CELF2: variants seen among roughly 807,000 people sequenced by gnomAD.
CELF2 encodes CUGBP Elav-like family member 2.
A neutral mutation model predicts 62.6 loss-of-function variants in CELF2; 8 were observed. The observed-to-expected ratio is 0.13, with a 90% CI of 0.07 to 0.23. The LOEUF is 0.23. Ranked by LOEUF, CELF2 falls within the 10% of genes least tolerant of loss-of-function variation. CELF2 has a pLI of 1.00. For missense variants in CELF2, 333 were observed against 671.0 expected (o/e 0.50, Z 5.56); for synonymous variants, 258 against 250.0 (o/e 1.03, Z -0.30).
the CELF2 span, among the ~76,000 whole-genome samples, chr10:10,720,587 T>G: frequency 6.6e-6 from 1 of 152,158 alleles, no homozygotes; most frequent in East Asian, 1.9e-4. Context: ...ATGCCAAAGA[T>G]TGTATCATCA....
intron 1 of CELF2, among the ~76,000 whole-genome samples, chr10:10,833,289 C>T (rs1345801879): frequency 1.3e-5 from 2 of 152,176 alleles, no homozygotes; most frequent in Non-Finnish European, 2.9e-5. Context: ...TTCAAAACCA[C>T]AGATAATGTT....
the CELF2 span, among the ~76,000 whole-genome samples, chr10:10,687,975 C>A: frequency 6.6e-6 from 1 of 152,212 alleles, no homozygotes; most frequent in African/African-American, 2.4e-5. Flanking sequence ...GCATACAAAG[C>A]CTTACCATTG....
chr10:10,698,983 C>T, the CELF2 span, among the ~76,000 whole-genome samples: 6 of 151,846 alleles, frequency 4.0e-5, no homozygotes, highest in African/African-American at 1.5e-4. Flanking sequence ...TATTATATAA[C>T]ATACTAGTAA....
chr10:10,766,498 G>A, the CELF2 span, among the ~76,000 whole-genome samples: 11 of 152,138 alleles, frequency 7.2e-5, no homozygotes, highest in African/African-American at 2.2e-4. Flanking sequence ...GGAGGGAAGG[G>A]GTCAGGTGTA....
chr10:10,911,057 G>A (rs560599608), intron 1 of CELF2, among the ~76,000 whole-genome samples: 69 of 152,178 alleles, frequency 4.5e-4, no homozygotes, highest in Admixed American at 1.2e-3. Context: ...TCCTCATAAT[G>A]CCACTAGCAG....
chr10:10,571,455 T>C, the CELF2 span, among the ~76,000 whole-genome samples: 2 of 152,116 alleles, frequency 1.3e-5, no homozygotes, highest in Non-Finnish European at 1.5e-5. Context: ...CCAGAACCTA[T>C]AGTTATTAAG....
At chr10:10,835,894 C>A (rs986664918) in intron 1 of CELF2, among the ~76,000 whole-genome samples, 1 of 152,066 alleles carries the variant, frequency 6.6e-6, no homozygotes, top group Non-Finnish European at 1.5e-5. Context: ...AGGGCAGAAT[C>A]GAGGCTGACT....
At chr10:11,094,031 G>A (rs1054034911) in intron 1 of CELF2, among the ~76,000 whole-genome samples, 5 of 152,182 alleles carry the variant, frequency 3.3e-5, no homozygotes, top group African/African-American at 1.2e-4. Context: ...CAGTCGATAT[G>A]AGTTCTCGGA....
At chr10:10,655,381 C>A in the CELF2 span, among the ~76,000 whole-genome samples, 1 of 121,496 alleles carries the variant, frequency 8.2e-6, no homozygotes, top group East Asian at 2.0e-4. Context: ...CTTTAAAGTT[C>A]ATATGGAACC....
the CELF2 span, among the ~76,000 whole-genome samples, chr10:10,497,759 G>A: frequency 3.9e-5 from 6 of 152,176 alleles, no homozygotes; most frequent in African/African-American, 1.4e-4. Context: ...AAAGGACGAT[G>A]AATCAGGACA....
At chr10:10,842,308 C>T (rs1564703773) in intron 1 of CELF2, among the ~76,000 whole-genome samples, 1 of 151,840 alleles carries the variant, frequency 6.6e-6, no homozygotes, top group Non-Finnish European at 1.5e-5. Flanking sequence ...TTTCTATTAA[C>T]TAGGATTTCC....
chr10:11,135,845 G>T (rs1209006130), intron 1 of CELF2, among the ~76,000 whole-genome samples: 1 of 152,182 alleles, frequency 6.6e-6, no homozygotes, highest in Non-Finnish European at 1.5e-5. Context: ...TAATGTGTAT[G>T]GCCTGGGCGG....
intron 2 of CELF2, among the ~76,000 whole-genome samples, chr10:10,980,665 G>A (rs969236138): frequency 1.2e-4 from 19 of 152,130 alleles, no homozygotes; most frequent in Non-Finnish European, 1.3e-4. Context: ...ATCTCCTAAC[G>A]GTCTCTCGCA....
chr10:10,490,461 T>C, the CELF2 span, among the ~76,000 whole-genome samples: 1 of 152,082 alleles, frequency 6.6e-6, no homozygotes, highest in Admixed American at 6.6e-5. Context: ...CACTGCAGAG[T>C]CAAACCTGTC....
chr10:11,246,359 C>A lies in CELF2; in HGVS notation c.355-2794C>A, dbSNP rs749003751. Among the ~76,000 whole-genome samples, 1 of 152,238 alleles carries A rather than the reference C, an allele frequency of 6.6e-6. No individual in the cohort carries two copies. Among genetic ancestry groups the A allele is most frequent in the South Asian group, 2.1e-4 (1 of 4,818 alleles). ...ATGAACCTGTATAAGTCTTTCCTGTCTTGAAAGGACAGATGGGTGGCCCCC... is the reference window on the plus strand; with the variant it reads ...ATGAACCTGTATAAGTCTTTCCTGTATTGAAAGGACAGATGGGTGGCCCCC... On this transcript the variant is annotated intron_variant, in intron 3 of 12. Transcript: ENST00000633077. This position sits in a 1 kb window ranked among gnomAD's most constrained non-coding sequence, Gnocchi z 4.6.
chr10:11,292,257 G>A (rs1274902850), intron 9 of CELF2, among the ~76,000 whole-genome samples: 2 of 152,196 alleles, frequency 1.3e-5, no homozygotes, highest in Non-Finnish European at 2.9e-5. Flanking sequence ...GACTATCTGA[G>A]GGTAACAGAG....
Position 11,285,856 on chromosome 10 carries a change from TG to T in CELF2, c.842-2561del, listed in dbSNP as rs2091100920. Among the ~76,000 whole-genome samples the T allele has an allele frequency of 6.8e-6, 1 of 146,704 alleles. No homozygotes were observed. The highest frequency in any genetic ancestry group is 1.5e-5 in the Non-Finnish European group (1 of 67,432). ...GTGTGTGTGTGTGTGTGTGTGTGTG[TG>T]TGTGTGTGTGTGTGTGTGTGTTTTT... On this transcript the variant is annotated intron_variant, in intron 8 of 12. Coordinates refer to ENST00000633077, the MANE Select transcript of CELF2 (RefSeq NM_001326342.2). This position sits in a 1 kb window ranked among gnomAD's most constrained non-coding sequence, Gnocchi z 4.3.
the CELF2 span, among the ~76,000 whole-genome samples, chr10:10,785,675 T>C: frequency 6.6e-6 from 1 of 152,046 alleles, no homozygotes; most frequent in Non-Finnish European, 1.5e-5. Context: ...CACAAAAAAA[T>C]ATCTCTTAGA....
At position 11,285,857 on chromosome 10, in the gene CELF2, G is replaced by A. The variant is rs1371165990; in HGVS notation, c.842-2561G>A. On this transcript the variant is annotated intron_variant, in intron 8 of 12. Coordinates refer to ENST00000633077, the MANE Select transcript of CELF2 (RefSeq NM_001326342.2). This position sits in a 1 kb window ranked among gnomAD's most constrained non-coding sequence, Gnocchi z 4.3. ...TGTGTGTGTGTGTGTGTGTGTGTGT[G>A]TGTGTGTGTGTGTGTGTGTGTTTTT... 7.0e-6 allele frequency among the ~76,000 whole-genome samples: 1 copy of A among 142,532 alleles called. No individual in the cohort carries two copies. The highest frequency in any genetic ancestry group is 1.5e-5 in the Non-Finnish European group (1 of 67,368). 93.5% of individuals were successfully genotyped at this position (142,532 alleles called of 152,430 possible). A position where few individuals can be genotyped will look rare whatever the true frequency, so the allele number is the denominator to read the frequency against.
Sources: allele counts gnomAD v4.1 joint callset (sites outside exome capture counted in the v4.1 genomes callset), GRCh38; gene constraint gnomAD v4.1.1; non-coding constraint Gnocchi (gnomAD v3.1); transcripts MANE v1.5; gene names NCBI Gene and HGNC (gene_info 2026-07-23, HGNC 2026-07-21).